ATP2C2: variants seen among roughly 807,000 people sequenced by gnomAD.
ATP2C2 encodes ATPase secretory pathway Ca2+ transporting 2, also known as calcium-transporting ATPase type 2C member 2.
In ATP2C2, 171 loss-of-function variants were observed where a neutral mutation model predicts 110.8. The observed-to-expected ratio is 1.54, with a 90% confidence interval of 1.36 to 1.75. ATP2C2 has a LOEUF of 1.75. Ranked by LOEUF, ATP2C2 falls within the 40% of genes most tolerant of loss-of-function variation. The pLI, the probability that ATP2C2 is intolerant of heterozygous loss-of-function variation, is 0.00. For synonymous variants in ATP2C2, 804 were observed against 508.4 expected (o/e 1.58, Z -7.82); for missense variants, 1,963 against 1,235.0 (o/e 1.59, Z -8.84).
rs546792813 is a variant in ATP2C2, at chr16:84,380,827, T to C, written c.99+12113T>C. On this transcript the variant is annotated intron_variant, in intron 1 of 26. Coordinates refer to ENST00000262429, the MANE Select transcript of ATP2C2 (RefSeq NM_014861.4). ...TTTAATACACATCAAGCATGTAAGG[T>C]AGCACCTGATCATGGTGATTTTTAT... Among the ~76,000 whole-genome samples the C allele has an allele frequency of 3.9e-5, 6 of 152,344 alleles. No homozygotes were observed. The East Asian group carries it at 1.2e-3, about 29-fold the overall frequency.
intron 1 of ATP2C2, among the ~76,000 whole-genome samples, chr16:84,371,593 G>T (rs146455401): frequency 1.3e-5 from 2 of 152,348 alleles, no homozygotes; most frequent in African/African-American, 4.8e-5. Flanking sequence ...GAACATTAGG[G>T]TAAGGAAGAG....
Position 84,454,903 on chromosome 16 carries a change from T to G in ATP2C2, c.2066T>G (p.Ile689Ser). The change falls in exon 21 of 27, where the codon ATC becomes AGC. Residue 689 changes from isoleucine to serine, a missense_variant. Transcript: ENST00000262429. Reference sequence around the variant, plus strand: ...GCCCTGAAGTCTGCAGACATTGGGATCGCCATGGGGCAGACAGGGACGGAC... The same window carrying G: ...GCCCTGAAGTCTGCAGACATTGGGAGCGCCATGGGGCAGACAGGGACGGAC... ...AVALKSADIG[I>S]AMGQTGTDVS... 1.2e-6 allele frequency: 2 copies of G among 1,613,974 alleles called. No individual in the cohort carries two copies. Among genetic ancestry groups the G allele is most frequent in the Non-Finnish European group, 1.7e-6 (2 of 1,179,964 alleles).
intron 6 of ATP2C2, 198 bp downstream of exon 6, chr16:84,410,963 G>T: frequency 3.3e-6 from 2 of 608,528 alleles, no homozygotes; most frequent in South Asian, 1.9e-5. Context: ...AACCTCTCTG[G>T]GCCTCAGCTC....
intron 15 of ATP2C2, among the ~76,000 whole-genome samples, chr16:84,445,369 T>G (rs963709742): frequency 1.3e-5 from 2 of 152,018 alleles, no homozygotes; most frequent in Non-Finnish European, 2.9e-5. Flanking sequence ...CCACCACGCC[T>G]GGCTAACTTT....
At chr16:84,431,889 G>T (rs544520049) in intron 11 of ATP2C2, among the ~76,000 whole-genome samples, 1 of 152,258 alleles carries the variant, frequency 6.6e-6, no homozygotes, top group East Asian at 1.9e-4. Flanking sequence ...GCTTATTACA[G>T]AAGCGGGGGC....
intron 1 of ATP2C2, among the ~76,000 whole-genome samples, chr16:84,376,262 G>A (rs1213139155): frequency 6.6e-6 from 1 of 152,216 alleles, no homozygotes; most frequent in African/African-American, 2.4e-5. Context: ...GGCAGGTGAG[G>A]CGATGAGGTT....
intron 11 of ATP2C2, among the ~76,000 whole-genome samples, chr16:84,432,395 C>T (rs1315270889): frequency 6.6e-6 from 1 of 152,114 alleles, no homozygotes; most frequent in African/African-American, 2.4e-5. Flanking sequence ...TTTTAAGCCC[C>T]ACATGCATTA....
chr16:84,451,488 G>C (rs112496194), intron 17 of ATP2C2, among the ~76,000 whole-genome samples: 4 of 152,324 alleles, frequency 2.6e-5, no homozygotes, highest in African/African-American at 9.6e-5. Context: ...TTCAGGCTAG[G>C]GACTTGTTGC....
At chr16:84,395,120 G>C (rs1904891698) in intron 1 of ATP2C2, among the ~76,000 whole-genome samples, 1 of 152,110 alleles carries the variant, frequency 6.6e-6, no homozygotes, top group African/African-American at 2.4e-5. Flanking sequence ...CAGAGTCCCT[G>C]TTTCCAGTAC....
chr16:84,444,162 C>CAAAAAAAAAAAAAAAAAAAAAAAA (rs71151217), intron 15 of ATP2C2, among the ~76,000 whole-genome samples: 1 of 104,572 alleles, frequency 9.6e-6, no homozygotes, highest in Non-Finnish European at 1.9e-5. Context: ...GATCCTGCCT[C>CAAAAAAAAAAAAAAAAAAAAAAAA]AAAAAAAAAA....
intron 10 of ATP2C2, among the ~76,000 whole-genome samples, chr16:84,424,883 A>C (rs960558422): frequency 6.6e-6 from 1 of 152,166 alleles, no homozygotes; most frequent in Non-Finnish European, 1.5e-5. Context: ...GAATGCCACA[A>C]GGGTGGAGTG....
At chr16:84,431,323 G>A (rs1597823140) in intron 11 of ATP2C2, among the ~76,000 whole-genome samples, 1 of 151,870 alleles carries the variant, frequency 6.6e-6, no homozygotes, top group Non-Finnish European at 1.5e-5. Context: ...ATGTGGTGTT[G>A]CATCTCTACC....
chr16:84,437,596 A>C (rs946563243), intron 11 of ATP2C2, among the ~76,000 whole-genome samples: 1 of 151,904 alleles, frequency 6.6e-6, no homozygotes, highest in Non-Finnish European at 1.5e-5. Context: ...GTTCACTGCA[A>C]CCTCCGCCTC....
rs754594252 is a variant in ATP2C2 at position 84,463,717 on chromosome 16, C to T, written c.2826C>T (p.His942=). 6.2e-7 allele frequency: 1 copy of T among 1,613,286 alleles called. No individual in the cohort carries two copies. The highest frequency in any genetic ancestry group is 1.1e-5 in the South Asian group (1 of 91,058). The part of the protein sequence containing the change: ...YCCSPKRVQM[H]PEDV ...GCAGCCCCAAGAGAGTCCAGATGCA[C>T]CCTGAAGATGTGTAGTGGACCGCAC... The change falls in exon 27 of 27, where the codon CAC becomes CAT. Residue 942 remains histidine (H), a synonymous_variant. Transcript: ENST00000262429.
intron 2 of ATP2C2, among the ~76,000 whole-genome samples, chr16:84,403,775 C>G (rs1015169438): frequency 6.6e-6 from 1 of 152,094 alleles, no homozygotes; most frequent in African/African-American, 2.4e-5. Flanking sequence ...ACTGCAACCT[C>G]CGCCTCCCAG....
chr16:84,413,283 G>C (rs780853061), intron 6 of ATP2C2, among the ~76,000 whole-genome samples: 1 of 152,110 alleles, frequency 6.6e-6, no homozygotes, highest in Non-Finnish European at 1.5e-5. Context: ...ACTGAGCCAT[G>C]GGGCTAGGGT....
chr16:84,460,039 G>A (rs928103804), intron 23 of ATP2C2: 4 of 208,574 alleles, frequency 1.9e-5, no homozygotes, highest in African/African-American at 9.2e-5. Flanking sequence ...TGCTTCCGCT[G>A]GAGCTCAGTG....
At chr16:84,392,611 C>T (rs1904727173) in intron 1 of ATP2C2, among the ~76,000 whole-genome samples, 5 of 152,074 alleles carry the variant, frequency 3.3e-5, no homozygotes, top group South Asian at 2.1e-4. Flanking sequence ...TACAGGTGCC[C>T]GCCACCACGC....
chr16:84,431,859 A>G (rs1238552671), intron 11 of ATP2C2, among the ~76,000 whole-genome samples: 3 of 152,090 alleles, frequency 2.0e-5, no homozygotes, highest in Non-Finnish European at 4.4e-5. Flanking sequence ...GGCCGAAGGA[A>G]GTGGGAGGTG....
Sources: gnomAD v4.1 joint callset for allele counts (sites outside exome capture counted in the v4.1 genomes callset) on GRCh38, gnomAD v4.1.1 for gene constraint, MANE v1.5 for transcripts, NCBI Gene and HGNC (gene_info 2026-07-23, HGNC 2026-07-21) for gene names.